Variants in TRIM49C observed in about 807,000 individuals in gnomAD.
TRIM49C encodes tripartite motif containing 49C.
TRIM49C carries 6 observed loss-of-function variants against 21.4 expected under a neutral mutation model. The ratio of observed to expected loss-of-function variants is 0.28; its 90% confidence interval spans 0.15 to 0.55. The LOEUF is 0.55. Among genes scored for constraint, TRIM49C ranks in the 20% least tolerant of loss-of-function variants. The pLI, the probability that TRIM49C is intolerant of heterozygous loss-of-function variation, is 0.94. For synonymous variants in TRIM49C, 57 were observed against 148.1 expected (o/e 0.38, Z 4.47); for missense variants, 161 against 442.4 (o/e 0.36, Z 5.71).
At chr11:90,071,451 C>T in the TRIM49C span, among the ~76,000 whole-genome samples, 5 of 142,094 alleles carry the variant, frequency 3.5e-5, no homozygotes, top group African/African-American at 1.0e-4. Context: ...TTTTAGGATT[C>T]AGAATCATAA....
At chr11:90,069,395 G>A in the TRIM49C span, among the ~76,000 whole-genome samples, 4 of 130,606 alleles carry the variant, frequency 3.1e-5, 1 homozygote, top group African/African-American at 8.8e-5. Context: ...GATTACAGGC[G>A]TGAGCCACCG....
the TRIM49C span, among the ~76,000 whole-genome samples, chr11:90,067,727 G>C: frequency 7.1e-6 from 1 of 139,904 alleles, no homozygotes; most frequent in Non-Finnish European, 1.5e-5. Context: ...TATATGTTAT[G>C]TGTATACTGT....
At chr11:90,046,376 CT>C (rs1346019171), downstream of TRIM49C, among the ~76,000 whole-genome samples, 1 of 126,658 alleles carries the variant, frequency 7.9e-6, no homozygotes, top group Non-Finnish European at 1.6e-5. Context: ...CCTTGTACCT[CT>C]AGTAGAAGTC....
the TRIM49C span, among the ~76,000 whole-genome samples, chr11:90,049,108 C>T: frequency 2.4e-5 from 3 of 124,794 alleles, no homozygotes; most frequent in African/African-American, 6.3e-5. Flanking sequence ...AATGTTGCTG[C>T]CTGATCGCTC....
the TRIM49C span, among the ~76,000 whole-genome samples, chr11:90,059,927 C>A: frequency 7.0e-6 from 1 of 143,074 alleles, no homozygotes; most frequent in African/African-American, 2.7e-5. Flanking sequence ...TTTTAACCTC[C>A]CACCCCTCTA....
At chr11:90,071,390 T>G in the TRIM49C span, among the ~76,000 whole-genome samples, 2 of 141,204 alleles carry the variant, frequency 1.4e-5, no homozygotes, top group Non-Finnish European at 3.1e-5. Flanking sequence ...GACTCAGGGG[T>G]TTCTGTTTTG....
chr11:90,053,891 A>C, the TRIM49C span, among the ~76,000 whole-genome samples: 1 of 144,432 alleles, frequency 6.9e-6, no homozygotes, highest in Non-Finnish European at 1.5e-5. Context: ...GTTTGTTTTT[A>C]CTTTAATTTT....
chr11:90,067,468 A>G, the TRIM49C span, among the ~76,000 whole-genome samples: 20 of 148,502 alleles, frequency 1.3e-4, 2 homozygotes, highest in African/African-American at 5.0e-4. Context: ...TAATTAGTGC[A>G]TGAGATAAAC....
the TRIM49C span, among the ~76,000 whole-genome samples, chr11:90,066,236 T>C: frequency 1.3e-4 from 18 of 135,408 alleles, 3 homozygotes; most frequent in South Asian, 3.6e-3. Flanking sequence ...CTTAAGCTGG[T>C]CTCGAACTCC....
At chr11:90,055,089 C>T in the TRIM49C span, among the ~76,000 whole-genome samples, 17 of 144,670 alleles carry the variant, frequency 1.2e-4, no homozygotes, top group Non-Finnish European at 1.8e-4. Flanking sequence ...CATCTCAGAT[C>T]GCTTGGAAAA....
At chr11:90,034,802 A>T (rs1329668466) in intron 2 of TRIM49C, among the ~76,000 whole-genome samples, 1 of 133,898 alleles carries the variant, frequency 7.5e-6, no homozygotes, top group Non-Finnish European at 1.6e-5. Flanking sequence ...CCATCTTCTC[A>T]TATTTCTTTG....
the TRIM49C span, among the ~76,000 whole-genome samples, chr11:90,069,289 T>G: frequency 1.4e-4 from 18 of 128,068 alleles, 1 homozygote; most frequent in African/African-American, 4.7e-4. Flanking sequence ...TTTTTTTGTA[T>G]TATTAGTAGA....
the TRIM49C span, among the ~76,000 whole-genome samples, chr11:90,069,314 G>A: frequency 4.7e-5 from 6 of 128,524 alleles, no homozygotes; most frequent in African/African-American, 9.2e-5. Context: ...GGGTTTCACC[G>A]TGTTAGCCAG....
At chr11:90,059,901 C>G in the TRIM49C span, among the ~76,000 whole-genome samples, 1 of 142,272 alleles carries the variant, frequency 7.0e-6, no homozygotes, top group African/African-American at 2.7e-5. Context: ...TCTCTCCTCC[C>G]TCTGTCTTTT....
the TRIM49C span, among the ~76,000 whole-genome samples, chr11:90,064,274 T>G: frequency 6.6e-6 from 1 of 151,356 alleles, no homozygotes; most frequent in African/African-American, 2.4e-5. Flanking sequence ...TAGGAAAGTT[T>G]TTTCCCATTG....
chr11:90,049,115 G>A, the TRIM49C span, among the ~76,000 whole-genome samples: 51 of 124,732 alleles, frequency 4.1e-4, 10 homozygotes, highest in Admixed American at 4.2e-3. Flanking sequence ...CTGCCTGATC[G>A]CTCCTCTAGA....
chr11:90,055,956 C>CT, the TRIM49C span, among the ~76,000 whole-genome samples: 1,849 of 97,862 alleles, frequency 0.019, 199 homozygotes, highest in African/African-American at 0.026. Context: ...CATCTGGATT[C>CT]TTTTTTTTTT....
At chr11:90,052,414 G>A in the TRIM49C span, 5 of 185,230 alleles carry the variant, frequency 2.7e-5, 1 homozygote, top group Non-Finnish European at 5.4e-5. Flanking sequence ...GAGGCTCGTG[G>A]TCATCCTGAC....
chr11:90,053,799 T>A, the TRIM49C span: 3 of 140,420 alleles, frequency 2.1e-5, no homozygotes, highest in African/African-American at 7.6e-5. Flanking sequence ...CCAAGGTCCC[T>A]GCTTCTCACT....
Sources: gnomAD v4.1 joint callset for allele counts (sites outside exome capture counted in the v4.1 genomes callset) on GRCh38, gnomAD v4.1.1 for gene constraint, MANE v1.5 for transcripts, NCBI Gene and HGNC (gene_info 2026-07-23, HGNC 2026-07-21) for gene names.